VPS53: variants seen among roughly 807,000 people sequenced by gnomAD.
VPS53 encodes VPS53 subunit of GARP complex, also known as vacuolar protein sorting-associated protein 53 homolog.
A neutral mutation model predicts 107.0 loss-of-function variants in VPS53; 70 were observed. The ratio of observed to expected loss-of-function variants is 0.65; its 90% CI spans 0.54 to 0.80. VPS53 has a LOEUF of 0.80. Ranked by LOEUF, VPS53 falls within the 30% of genes least tolerant of loss-of-function variation. VPS53 has a pLI of 0.00. For missense variants in VPS53, 917 were observed against 1,049.4 expected, an observed-to-expected ratio of 0.87 and a Z score of 1.74; for synonymous variants, 409 against 393.3, an observed-to-expected ratio of 1.04 and a Z score of -0.47.
intron 7 of VPS53, among the ~76,000 whole-genome samples, chr17:642,844 G>A (rs71355286): frequency 7.5e-6 from 1 of 133,008 alleles, no homozygotes; most frequent in South Asian, 2.5e-4. Context: ...TACTTGGAAA[G>A]CGAGGACAAC....
chr17:593,448 A>C (rs1171247431), intron 12 of VPS53, among the ~76,000 whole-genome samples: 1 of 152,140 alleles, frequency 6.6e-6, no homozygotes, highest in African/African-American at 2.4e-5. Context: ...CAATGAACTC[A>C]AACAAATTTA....
chr17:710,828 C>G (rs992553444), intron 1 of VPS53, among the ~76,000 whole-genome samples: 7 of 151,810 alleles, frequency 4.6e-5, no homozygotes, highest in Non-Finnish European at 4.4e-5. Context: ...ACCTGTAATC[C>G]CAACTACTCA....
At chr17:710,422 C>G in intron 2 of VPS53, 111 bp downstream of exon 2, 1 of 785,050 alleles carries the variant, frequency 1.3e-6, no homozygotes, top group Non-Finnish European at 2.2e-6. Context: ...TTGAATTTAA[C>G]TCTCCCTTGT....
At chr17:578,227 A>G (rs1914815803) in intron 13 of VPS53, among the ~76,000 whole-genome samples, 1 of 152,056 alleles carries the variant, frequency 6.6e-6, no homozygotes, top group South Asian at 2.1e-4. Context: ...CATCCCTCAG[A>G]ACCTGATGCG....
rs202061865 is a variant in VPS53 at position 662,805 on chromosome 17, GA to G, written c.286-911del. On this transcript the variant is annotated intron_variant, in intron 4 of 21. Coordinates refer to ENST00000437048, the MANE Select transcript of VPS53 (RefSeq NM_001128159.3). Reference sequence around the variant, plus strand: ...AAAGAAAAAAAGAAAGAGAAAGAAAGAAAAAAAGAAAGAAAGAGAAAGAGAA... The same window carrying G: ...AAAGAAAAAAAGAAAGAGAAAGAAAGAAAAAAGAAAGAAAGAGAAAGAGAA... Among the ~76,000 whole-genome samples, 1,316 of 147,190 alleles carry G rather than the reference GA, an allele frequency of 8.9e-3. 21 individuals carry two copies. Among genetic ancestry groups the G allele is most frequent in the African/African-American group, 0.031 (1,237 of 39,470 alleles).
In VPS53 at chr17:543,178, T is replaced by C. The variant is rs189923554; in HGVS notation, c.1867-6002A>G. 3.8e-3 allele frequency among the ~76,000 whole-genome samples: 582 copies of C among 152,218 alleles called. 14 individuals are homozygous for C. The East Asian group carries it at 0.068, about 18-fold the overall frequency. On this transcript the variant is annotated intron_variant, in intron 17 of 21. Coordinates refer to ENST00000437048, the MANE Select transcript of VPS53 (RefSeq NM_001128159.3). ...GAGGAAAATGAAAATGAGAACAGAC[T>C]TGTCTTGATTCAACGTAGAAGTGAA... is the stretch of plus-strand genomic sequence containing the variant.
rs28379599 is a variant in VPS53 at position 711,510 on chromosome 17, G to A, written c.88-897C>T. ...TCTTTTTAAAATGTTCAGCATTGCT[G>A]TTTCCATAATGCACATATACACAGG... is the stretch of plus-strand genomic sequence containing the variant. On this transcript the variant is annotated intron_variant, in intron 1 of 21. Transcript: ENST00000437048. Among the ~76,000 whole-genome samples, 291 of 152,314 alleles carry A rather than the reference G, an allele frequency of 1.9e-3. 1 individual carries two copies. Among genetic ancestry groups the A allele is most frequent in the African/African-American group, 6.5e-3 (269 of 41,570 alleles).
chr17:698,202 G>A (rs1406936562), intron 3 of VPS53, among the ~76,000 whole-genome samples: 1 of 152,154 alleles, frequency 6.6e-6, no homozygotes. Flanking sequence ...GGAGGCCAAG[G>A]CAGGCAGATC....
chr17:692,184 T>C (rs778515401), intron 4 of VPS53, among the ~76,000 whole-genome samples: 4 of 152,166 alleles, frequency 2.6e-5, no homozygotes, highest in Admixed American at 6.6e-5. Flanking sequence ...CGGCTTTTTC[T>C]TCCTCTAACC....
intron 11 of VPS53, among the ~76,000 whole-genome samples, chr17:622,705 G>A (rs150763529): frequency 0.016 from 2,352 of 151,696 alleles, 28 homozygotes; most frequent in Non-Finnish European, 0.025. Context: ...AAAGAGAAGA[G>A]GTTTACTCCT....
chr17:642,923 C>T (rs144256529), intron 7 of VPS53, among the ~76,000 whole-genome samples: 2,275 of 95,224 alleles, frequency 0.024, 34 homozygotes, highest in Non-Finnish European at 0.04. Context: ...ACTTGGCAAC[C>T]GAGGACAACA....
intron 4 of VPS53, among the ~76,000 whole-genome samples, chr17:665,762 T>A (rs186300856): frequency 2.0e-5 from 3 of 152,312 alleles, no homozygotes; most frequent in East Asian, 3.9e-4. Context: ...CCCAGTACTT[T>A]GGGAGCCTGA....
chr17:710,764 G>A (rs1231971030), intron 1 of VPS53, 151 bp from the exon 2 acceptor site: 2 of 578,180 alleles, frequency 3.5e-6, no homozygotes, highest in Non-Finnish European at 6.0e-6. Flanking sequence ...TGGATCACCT[G>A]AGGTCAGGTC....
chr17:638,527 T>C (rs1363587976), intron 7 of VPS53, among the ~76,000 whole-genome samples: 6 of 152,244 alleles, frequency 3.9e-5, no homozygotes, highest in Non-Finnish European at 7.3e-5. Context: ...TCTTTACAAT[T>C]TGGCATGTTT....
intron 6 of VPS53, among the ~76,000 whole-genome samples, chr17:655,601 T>C (rs1378255885): frequency 6.6e-6 from 1 of 152,178 alleles, no homozygotes; most frequent in Non-Finnish European, 1.5e-5. Context: ...GGCCATATTC[T>C]TGGAGTCGTC....
At chr17:578,076 G>A (rs566713874) in intron 13 of VPS53, among the ~76,000 whole-genome samples, 78 of 145,336 alleles carry the variant, frequency 5.4e-4, no homozygotes, top group African/African-American at 1.9e-3. Flanking sequence ...AACCTAATGC[G>A]TTCCCAGGCA....
intron 7 of VPS53, among the ~76,000 whole-genome samples, chr17:646,472 C>T (rs369916288): frequency 3.9e-3 from 335 of 85,008 alleles, no homozygotes; most frequent in African/African-American, 0.01. Context: ...TCCGTGACCG[C>T]GTGGCCACTG....
In VPS53 at chr17:508,880, TC is replaced by T. The variant is rs1308255786; in HGVS notation, c.*10247del. ...TGCTTCCTATTTGCTGGAATAGTTT[TC>T]AATGCTTTTACTGATTTCTTCTGAA... is the stretch of plus-strand genomic sequence containing the variant. On this transcript the variant is annotated 3_prime_UTR_variant, in exon 22 of 22. Coordinates refer to ENST00000437048, the MANE Select transcript of VPS53 (RefSeq NM_001128159.3). 6.6e-6 allele frequency: 1 copy of T among 152,252 alleles called. No homozygotes were observed. The highest frequency in any genetic ancestry group is 6.5e-5 in the Admixed American group (1 of 15,284). 9.4% of individuals were successfully genotyped at this position (152,252 alleles called of 1,614,324 possible).
chr17:610,254 A>T (rs1197163724), intron 11 of VPS53, among the ~76,000 whole-genome samples: 1 of 152,184 alleles, frequency 6.6e-6, no homozygotes, highest in Non-Finnish European at 1.5e-5. Context: ...CGAGAAAAGA[A>T]TAATTAGGGG....
Sources: allele counts gnomAD v4.1 joint callset (sites outside exome capture counted in the v4.1 genomes callset), GRCh38; gene constraint gnomAD v4.1.1; transcripts MANE v1.5; gene names NCBI Gene and HGNC (gene_info 2026-07-23, HGNC 2026-07-21).